The following HTR2C variants were observed in gnomAD, a reference collection of about 807,000 sequenced individuals.
HTR2C encodes the protein 5-hydroxytryptamine receptor 2C, also known as 5-hydroxytryptamine (serotonin) receptor 2C, G protein-coupled.
A neutral mutation model predicts 21.0 loss-of-function variants in HTR2C; 5 were observed. The ratio of observed to expected loss-of-function variants is 0.24; its 90% CI spans 0.12 to 0.50. The LOEUF is 0.50. Ranked by LOEUF, HTR2C falls within the 20% of genes least tolerant of loss-of-function variation. HTR2C has a pLI of 0.98. For missense variants in HTR2C, 271 were observed against 371.2 expected, an observed-to-expected ratio of 0.73 and a Z score of 2.22; for synonymous variants, 150 against 145.3, an observed-to-expected ratio of 1.03 and a Z score of -0.23.
At chrX:114,777,816 C>G (rs1487034272) in intron 4 of HTR2C, among the ~76,000 whole-genome samples, 1 of 111,638 alleles carries the variant, frequency 9.0e-6, no homozygotes, top group Non-Finnish European at 1.9e-5. Context: ...CCTCGGCCTC[C>G]CAAAGTGCTG....
intron 4 of HTR2C, among the ~76,000 whole-genome samples, chrX:114,759,332 G>C (rs1280941862): frequency 9.0e-6 from 1 of 110,843 alleles, no homozygotes; most frequent in African/African-American, 3.3e-5. Flanking sequence ...GTATCTTTGT[G>C]CTCAGAGGAG....
chrX:114,657,307 G>C (rs890447533), intron 2 of HTR2C, among the ~76,000 whole-genome samples: 1 of 110,599 alleles, frequency 9.0e-6, no homozygotes, highest in African/African-American at 3.3e-5. Context: ...GTTTTTAAAG[G>C]TCATTGATAT....
At chrX:114,607,730 A>G (rs1406077292) in intron 1 of HTR2C, among the ~76,000 whole-genome samples, 1 of 111,544 alleles carries the variant, frequency 9.0e-6, no homozygotes, top group African/African-American at 3.3e-5. Flanking sequence ...AGTGGCTCAC[A>G]TCTATAATCC....
chrX:114,699,850 C>T (rs782126689), intron 2 of HTR2C, among the ~76,000 whole-genome samples: 4 of 112,322 alleles, frequency 3.6e-5, no homozygotes, highest in Admixed American at 1.9e-4. Flanking sequence ...TGTGTTCTTT[C>T]TTGCATCTGT....
chrX:114,638,522 A>T (rs868921570), intron 2 of HTR2C, among the ~76,000 whole-genome samples: 1 of 22,056 alleles, frequency 4.5e-5, no homozygotes, highest in African/African-American at 1.1e-4. Flanking sequence ...TTTATTTATT[A>T]TTTTTTTCTT....
intron 4 of HTR2C, among the ~76,000 whole-genome samples, chrX:114,791,570 C>G (rs782484918): frequency 2.3e-3 from 259 of 111,406 alleles, no homozygotes; most frequent in African/African-American, 7.5e-3. Context: ...AAACTATAAG[C>G]AGGAAAATGG....
intron 5 of HTR2C, among the ~76,000 whole-genome samples, chrX:114,881,462 C>T (rs1384645451): frequency 9.3e-6 from 1 of 107,842 alleles, no homozygotes; most frequent in Non-Finnish European, 1.9e-5. Flanking sequence ...GTTGTACAGT[C>T]TTACCCCTTA....
intron 2 of HTR2C, among the ~76,000 whole-genome samples, chrX:114,685,589 C>T (rs782730063): frequency 9.0e-6 from 1 of 111,691 alleles, no homozygotes; most frequent in East Asian, 2.8e-4. Context: ...GACAGTAACC[C>T]GCCACCAGAG....
At chrX:114,694,954 T>C (rs1401046832) in intron 2 of HTR2C, among the ~76,000 whole-genome samples, 1 of 112,248 alleles carries the variant, frequency 8.9e-6, no homozygotes, top group Non-Finnish European at 1.9e-5. Context: ...CAGTTTACCA[T>C]TGAAACTTTA....
intron 2 of HTR2C, among the ~76,000 whole-genome samples, chrX:114,689,564 A>G (rs1267004006): frequency 9.1e-6 from 1 of 109,857 alleles, no homozygotes; most frequent in East Asian, 2.9e-4. Context: ...CAAGAGTAAG[A>G]TGGTATCGCA....
chrX:114,744,715 G>A (rs1393680557), intron 4 of HTR2C, among the ~76,000 whole-genome samples: 5 of 111,437 alleles, frequency 4.5e-5, no homozygotes, highest in Non-Finnish European at 1.9e-5. Flanking sequence ...GCCTCCGAAA[G>A]TGCTGGGATT....
intron 1 of HTR2C, among the ~76,000 whole-genome samples, chrX:114,591,966 CCA>C (rs1289267868): frequency 9.0e-6 from 1 of 111,666 alleles, no homozygotes; most frequent in East Asian, 2.8e-4. Context: ...AAAAAATGGT[CCA>C]GTCATTTGCT....
At chrX:114,776,939 A>G (rs782538589) in intron 4 of HTR2C, among the ~76,000 whole-genome samples, 3 of 111,609 alleles carry the variant, frequency 2.7e-5, no homozygotes, top group Non-Finnish European at 5.6e-5. Flanking sequence ...TGTCAAAAAC[A>G]CTATGATTAA....
At chrX:114,734,729 G>A (rs1556424086) in intron 4 of HTR2C, among the ~76,000 whole-genome samples, 3 of 110,127 alleles carry the variant, frequency 2.7e-5, no homozygotes, top group African/African-American at 6.6e-5. Context: ...ACTTCAAAAA[G>A]CCATTTATTT....
chrX:114,868,237 T>A (rs1237410861), intron 5 of HTR2C, among the ~76,000 whole-genome samples: 1 of 111,175 alleles, frequency 9.0e-6, no homozygotes, highest in Non-Finnish European at 1.9e-5. Context: ...TGGTTAATTC[T>A]TAGATATTTT....
chrX:114,590,870 T>C (rs782674024), intron 1 of HTR2C, among the ~76,000 whole-genome samples: 3 of 112,033 alleles, frequency 2.7e-5, no homozygotes, highest in Non-Finnish European at 5.6e-5. Flanking sequence ...GAATTCTCTT[T>C]TTATTAGCAA....
intron 5 of HTR2C, among the ~76,000 whole-genome samples, chrX:114,852,951 A>T (rs2070931804): frequency 9.0e-6 from 1 of 111,483 alleles, no homozygotes; most frequent in African/African-American, 3.3e-5. Context: ...TTAGAGGAGG[A>T]GTTGATTGAT....
chrX:114,887,487 G>GTATTT (rs1302180028), intron 5 of HTR2C, among the ~76,000 whole-genome samples: 2 of 111,129 alleles, frequency 1.8e-5, no homozygotes, highest in African/African-American at 6.6e-5. Flanking sequence ...GATATTCTTT[G>GTATTT]TATTTTTATA....
chrX:114,585,920 G>A (rs192697719), intron 1 of HTR2C, among the ~76,000 whole-genome samples: 1 of 110,027 alleles, frequency 9.1e-6, no homozygotes, highest in Non-Finnish European at 1.9e-5. Flanking sequence ...GATTTGGGGG[G>A]CGGGGGGTGA....
Sources: gnomAD v4.1 joint callset for allele counts (sites outside exome capture counted in the v4.1 genomes callset) on GRCh38, gnomAD v4.1.1 for gene constraint, MANE v1.5 for transcripts, NCBI Gene and HGNC (gene_info 2026-07-23, HGNC 2026-07-21) for gene names.